CRTC2: variants seen among roughly 807,000 people sequenced by gnomAD.
CRTC2 encodes CREB regulated transcription coactivator 2.
CRTC2 carries 25 observed loss-of-function variants against 70.9 expected under a neutral mutation model. The ratio of observed to expected loss-of-function variants is 0.35; its 90% CI spans 0.26 to 0.49. CRTC2 has a LOEUF of 0.49. CRTC2 is among the 20% of genes least tolerant of loss of function. The probability of loss-of-function intolerance (pLI) is 0.98; values close to 1 mark genes in which losing one functional copy is unlikely to be tolerated. For missense variants in CRTC2, 737 were observed against 882.6 expected, an observed-to-expected ratio of 0.83 and a Z score of 2.09; for synonymous variants, 330 against 364.1, an observed-to-expected ratio of 0.91 and a Z score of 1.07.
At position 153,955,123 on chromosome 1, in the gene CRTC2, T is replaced by C; in HGVS notation, c.197A>G (p.His66Arg). 3 of 1,614,016 alleles carry C rather than the reference T, an allele frequency of 1.9e-6. No individual in the cohort carries two copies. Among genetic ancestry groups the C allele is most frequent in the East Asian group, 2.2e-5 (1 of 44,886 alleles). Residue 66 changes from histidine to arginine, a missense_variant, in exon 2 of 14, where the codon CAT (histidine) becomes CGT (arginine). Physicochemically the swap from His to Arg is conservative, Grantham distance 29 (BLOSUM62 0). Around this residue, in one of 3 missense-constraint regions of CRTC2, gnomAD observed 699 missense variants for 823.7 expected, o/e 0.85. Transcript: ENST00000368633. ...KLRLAYTRSS[H>R]YGGSLPNVNQ... ...AACATTGGGCAGAGACCCACCATAA[T>C]GAGAGCTCCTTGTGTATGCCAGTCG...
chr1:153,958,207 G>A, intron 1 of CRTC2, 138 bp downstream of exon 1: 1 of 1,434,248 alleles, frequency 7.0e-7, no homozygotes, highest in South Asian at 1.5e-5. Flanking sequence ...CCCTCAACCT[G>A]CGCCTCCCAA....
Position 153,948,170 on chromosome 1 carries a change from G to A in CRTC2, c.2021C>T (p.Pro674Leu). Residue 674 changes from proline (P) to leucine (L), a missense_variant, in exon 14 of 14, where the codon CCC becomes CTC. Around this residue, in one of 3 missense-constraint regions of CRTC2, gnomAD observed 699 missense variants for 823.7 expected, o/e 0.85. Coordinates refer to ENST00000368633, the MANE Select transcript of CRTC2 (RefSeq NM_181715.3). ...AGCAGGATCAGGCAGCAGGGCACAGGGGTCACTCAGCATGTTTAGCCCTTC... is the reference window on the plus strand; with the variant it reads ...AGCAGGATCAGGCAGCAGGGCACAGAGGTCACTCAGCATGTTTAGCCCTTC... ...GLEGLNMLSD[P>L]CALLPDPAVE... 1 of 1,614,216 alleles carries A rather than the reference G, an allele frequency of 6.2e-7. No homozygotes were observed. The highest frequency in any genetic ancestry group is 8.5e-7 in the Non-Finnish European group (1 of 1,180,028).
At position 153,947,804 on chromosome 1, in the gene CRTC2, G is replaced by A. The variant is rs866788240; in HGVS notation, c.*305C>T. The A allele has an allele frequency of 4.3e-5, 18 of 422,000 alleles. No individual in the cohort carries two copies. Among genetic ancestry groups the A allele is most frequent in the Admixed American group, 3.0e-4 (8 of 27,012 alleles). 26.1% of individuals were successfully genotyped at this position (422,000 alleles called of 1,614,324 possible). On this transcript the variant is annotated 3_prime_UTR_variant, in exon 14 of 14. Coordinates refer to ENST00000368633, the MANE Select transcript of CRTC2 (RefSeq NM_181715.3). Reference sequence around the variant, plus strand: ...TGGCACTGCCCACCCCTAGGCATCCGGAAAAGCCCTGCTTCCAGGGCTCCC... The same window carrying A: ...TGGCACTGCCCACCCCTAGGCATCCAGAAAAGCCCTGCTTCCAGGGCTCCC...
intron 10 of CRTC2, 87 bp downstream of exon 10, chr1:153,951,931 C>A (rs972977955): frequency 9.2e-6 from 14 of 1,515,366 alleles, no homozygotes; most frequent in East Asian, 2.3e-5. Context: ...GTGATCACAG[C>A]AGGATCTCAG....
intron 11 of CRTC2, among the ~76,000 whole-genome samples, chr1:153,950,616 C>T (rs1424674402): frequency 2.0e-5 from 3 of 152,110 alleles, no homozygotes; most frequent in African/African-American, 4.8e-5. Flanking sequence ...TGGAAAAAGC[C>T]CTAAACTAAG....
At chr1:153,952,892 G>T in intron 6 of CRTC2, 58 bp from the exon 7 acceptor site, 1 of 1,598,224 alleles carries the variant, frequency 6.3e-7, no homozygotes, top group Non-Finnish European at 8.6e-7. Context: ...GCTTTAAATA[G>T]CTCCATGGAG....
At chr1:153,955,566 CAA>C (rs767615432) in intron 1 of CRTC2, among the ~76,000 whole-genome samples, 6 of 41,912 alleles carry the variant, frequency 1.4e-4, no homozygotes, top group East Asian at 6.5e-4. Flanking sequence ...GACTCTGTCT[CAA>C]AAAAAAAAAA....
intron 11 of CRTC2, 93 bp downstream of exon 11, chr1:153,951,167 G>C: frequency 7.8e-7 from 1 of 1,288,336 alleles, no homozygotes; most frequent in Admixed American, 2.0e-5. Flanking sequence ...TGAGTATAGA[G>C]TAGGTATTTC....
chr1:153,958,082 A>C (rs2102127282), intron 1 of CRTC2: 4 of 1,357,724 alleles, frequency 2.9e-6, no homozygotes, highest in Non-Finnish European at 3.8e-6. Context: ...GCCGGACTTC[A>C]TCTCCCCTCT....
In CRTC2 at chr1:153,952,138, G is replaced by A. The variant is rs1680358436; in HGVS notation, c.877C>T (p.Pro293Ser). 2 of 1,614,106 alleles carry A rather than the reference G, an allele frequency of 1.2e-6. No individual in the cohort carries two copies. The highest frequency in any genetic ancestry group is 4.5e-5 in the East Asian group (2 of 44,876). ...FPPPLPTPLD[P>S]EETAYPSLSG... ...AGGCTAGGGTAGGCTGTCTCTTCAG[G>A]GTCCAGGGGGGTGGGCAGTGGTGGG... Residue 293 changes from proline to serine, a missense_variant, in exon 10 of 14, where the codon CCT (proline) becomes TCT (serine). Around this residue, in one of 3 missense-constraint regions of CRTC2, gnomAD observed 699 missense variants for 823.7 expected, o/e 0.85. Transcript: ENST00000368633.
rs761723625 is a variant in CRTC2, at chr1:153,951,362, G to A, written c.1302C>T (p.Pro434=). 1 of 1,613,074 alleles carries A rather than the reference G, an allele frequency of 6.2e-7. No homozygotes were observed. The highest frequency in any genetic ancestry group is 8.5e-7 in the Non-Finnish European group (1 of 1,179,522). ...CGGCTGGGCCCGCGAGCAAACTCAG[G>A]GGGCTGAGGGGCACACGGCGGTGGT... ...SPHHRRVPLS[P]LSLLAGPADA... The change falls in exon 11 of 14, where the codon CCC becomes CCT. Residue 434 remains proline (P), a synonymous_variant. Coordinates refer to ENST00000368633, the MANE Select transcript of CRTC2 (RefSeq NM_181715.3).
chr1:153,952,935 G>A, intron 6 of CRTC2, 101 bp from the exon 7 acceptor site: 1 of 1,444,650 alleles, frequency 6.9e-7, no homozygotes, highest in Non-Finnish European at 9.7e-7. Flanking sequence ...TGTAATCCCA[G>A]CACTTTGGGA....
intron 11 of CRTC2, 66 bp from the exon 12 acceptor site, chr1:153,949,450 C>T (rs1238062935): frequency 2.0e-6 from 3 of 1,474,384 alleles, no homozygotes; most frequent in Non-Finnish European, 1.8e-6. Context: ...TCAGTCAGAG[C>T]TTCCCACCTT....
intron 5 of CRTC2, 24 bp from the exon 6 acceptor site, chr1:153,953,393 T>C (rs1680461622): frequency 5.1e-6 from 8 of 1,554,112 alleles, no homozygotes; most frequent in Non-Finnish European, 6.2e-6. Flanking sequence ...AGGAATGAGC[T>C]GACACCAGTG....
intron 6 of CRTC2, 137 bp downstream of exon 6, chr1:153,953,129 G>A (rs1466409352): frequency 1.1e-5 from 7 of 612,150 alleles, no homozygotes; most frequent in Non-Finnish European, 1.4e-5. Context: ...GTTGCAGTGA[G>A]CCGAGATCAC....
At chr1:153,949,004 C>T in intron 12 of CRTC2, 111 bp downstream of exon 12, 1 of 1,207,130 alleles carries the variant, frequency 8.3e-7, no homozygotes, top group Non-Finnish European at 1.2e-6. Context: ...CTCCCCACCA[C>T]CCACCCCACC....
chr1:153,954,785 G>A (rs1463011421), intron 3 of CRTC2, 88 bp downstream of exon 3: 8 of 1,131,226 alleles, frequency 7.1e-6, no homozygotes, highest in South Asian at 5.2e-5. Flanking sequence ...AGGAAGGGAC[G>A]CACAACACTT....
At chr1:153,951,916 T>C (rs961199783) in intron 10 of CRTC2, 102 bp downstream of exon 10, 2 of 1,445,882 alleles carry the variant, frequency 1.4e-6, no homozygotes, top group East Asian at 4.6e-5. Context: ...TGACAGGCGG[T>C]GTGGGTGATC....
At chr1:153,949,054 G>A (rs1187010513) in intron 12 of CRTC2, 61 bp downstream of exon 12, 2 of 1,556,746 alleles carry the variant, frequency 1.3e-6, no homozygotes, top group African/African-American at 2.7e-5. Flanking sequence ...ATGCCATTCA[G>A]GCCCCATTGA....
Sources: allele counts gnomAD v4.1 joint callset (sites outside exome capture counted in the v4.1 genomes callset), GRCh38; gene constraint gnomAD v4.1.1; regional missense constraint gnomAD v4.1.1; transcripts MANE v1.5; gene names NCBI Gene and HGNC (gene_info 2026-07-23, HGNC 2026-07-21).